The following EYS variants were observed in gnomAD, a reference collection of about 807,000 sequenced individuals.
The protein encoded by EYS is EGF-like photoreceptor maintenance factor.
EYS carries 250 observed loss-of-function variants against 282.1 expected under a neutral mutation model. That is an observed-to-expected ratio of 0.89 (90% confidence interval 0.80 to 0.98). The LOEUF (loss-of-function observed/expected upper bound fraction) is 0.98. Ranked by LOEUF, EYS falls within the 50% of genes least tolerant of loss-of-function variation. EYS has a pLI of 0.00. For missense variants in EYS, 4,016 were observed against 3,709.0 expected (o/e 1.08, Z -2.15); for synonymous variants, 1,355 against 1,282.9 (o/e 1.06, Z -1.20).
intron 26 of EYS, among the ~76,000 whole-genome samples, chr6:64,474,013 A>T (rs1470290316): frequency 6.6e-6 from 1 of 152,158 alleles, no homozygotes; most frequent in Admixed American, 6.6e-5. Flanking sequence ...TTAATTATAA[A>T]TTCTTATATC....
chr6:64,723,382 T>A (rs1771650579), intron 22 of EYS, among the ~76,000 whole-genome samples: 1 of 152,180 alleles, frequency 6.6e-6, no homozygotes. Flanking sequence ...TTCTCAGAGA[T>A]ATTTTATGTG....
intron 33 of EYS, among the ~76,000 whole-genome samples, chr6:64,031,478 C>A (rs1389476502): frequency 2.0e-5 from 3 of 152,338 alleles, no homozygotes; most frequent in South Asian, 4.1e-4. Flanking sequence ...GGCACGCAGT[C>A]CCATCGACCA....
intron 35 of EYS, among the ~76,000 whole-genome samples, chr6:63,868,370 G>T (rs879569528): frequency 7.9e-5 from 12 of 152,074 alleles, no homozygotes; most frequent in Non-Finnish European, 1.2e-4. Flanking sequence ...CTTGAAAAGG[G>T]TGCCCACTAC....
intron 26 of EYS, among the ~76,000 whole-genome samples, chr6:64,575,800 T>C (rs1765862410): frequency 6.6e-6 from 1 of 152,110 alleles, no homozygotes; most frequent in Non-Finnish European, 1.5e-5. Flanking sequence ...AAATGAGTTG[T>C]GACAGCAGTT....
intron 12 of EYS, among the ~76,000 whole-genome samples, chr6:65,128,869 C>T (rs762174702): frequency 2.1e-4 from 32 of 151,838 alleles, no homozygotes; most frequent in Non-Finnish European, 4.4e-4. Context: ...CAATCCTAAG[C>T]AAAAAGAACA....
intron 29 of EYS, among the ~76,000 whole-genome samples, chr6:64,348,997 C>A (rs1771518374): frequency 6.6e-6 from 1 of 151,336 alleles, no homozygotes; most frequent in South Asian, 2.1e-4. Context: ...CATCACATAA[C>A]CATAATGTTT....
At chr6:63,764,547 T>C (rs1769734965) in intron 40 of EYS, among the ~76,000 whole-genome samples, 1 of 152,064 alleles carries the variant, frequency 6.6e-6, no homozygotes, top group African/African-American at 2.4e-5. Context: ...GTTCATTTTA[T>C]ATCTACTTGA....
At chr6:64,697,243 G>T (rs943104794) in intron 22 of EYS, among the ~76,000 whole-genome samples, 4 of 151,948 alleles carry the variant, frequency 2.6e-5, no homozygotes, top group African/African-American at 9.7e-5. Context: ...AAAACTAAAA[G>T]AAGCTATACT....
At chr6:65,049,860 GGTAACTC>G (rs956855601) in intron 13 of EYS, among the ~76,000 whole-genome samples, 2 of 151,614 alleles carry the variant, frequency 1.3e-5, no homozygotes, top group Non-Finnish European at 3.0e-5. Context: ...GCACATAATA[GGTAACTC>G]AGCTGGGATG....
intron 5 of EYS, among the ~76,000 whole-genome samples, chr6:65,466,772 G>A (rs1041293262): frequency 4.6e-5 from 7 of 152,126 alleles, no homozygotes; most frequent in Admixed American, 3.3e-4. Context: ...TAATTGTGAG[G>A]AGGCCACCAT....
chr6:64,010,950 T>C (rs1768590789), intron 33 of EYS, among the ~76,000 whole-genome samples: 1 of 152,074 alleles, frequency 6.6e-6, no homozygotes. Flanking sequence ...CCTTTCTCTT[T>C]TTCTGAGTAT....
chr6:64,876,925 T>C (rs1766767528), intron 19 of EYS, among the ~76,000 whole-genome samples: 1 of 152,022 alleles, frequency 6.6e-6, no homozygotes, highest in African/African-American at 2.4e-5. Context: ...CTACGGAAGA[T>C]TTTGAACATG....
chr6:64,109,096 A>C (rs1582281220), intron 31 of EYS, among the ~76,000 whole-genome samples: 2 of 152,142 alleles, frequency 1.3e-5, no homozygotes, highest in Admixed American at 1.3e-4. Flanking sequence ...TATTGCATTC[A>C]GTAGAACATT....
At chr6:64,387,709 A>C (rs1772959603) in intron 29 of EYS, among the ~76,000 whole-genome samples, 1 of 152,158 alleles carries the variant, frequency 6.6e-6, no homozygotes, top group Admixed American at 6.5e-5. Flanking sequence ...TTATAGAAAA[A>C]GTCACAAATA....
intron 2 of EYS, among the ~76,000 whole-genome samples, chr6:65,600,817 T>C (rs1256619183): frequency 1.3e-5 from 2 of 151,850 alleles, no homozygotes; most frequent in African/African-American, 4.8e-5. Flanking sequence ...AAAACAAAAG[T>C]GGCAATTTTC....
chr6:64,607,376 T>C (rs564014235), intron 24 of EYS, among the ~76,000 whole-genome samples: 3 of 152,190 alleles, frequency 2.0e-5, no homozygotes, highest in African/African-American at 7.2e-5. Flanking sequence ...GGTTGACTTA[T>C]AAATAACAGA....
At chr6:64,508,821 T>C (rs1407701324) in intron 26 of EYS, among the ~76,000 whole-genome samples, 1 of 152,002 alleles carries the variant, frequency 6.6e-6, no homozygotes, top group Non-Finnish European at 1.5e-5. Context: ...CTCATCAGTT[T>C]TAGCATGATT....
At chr6:65,091,657 T>C (rs1774571828) in intron 12 of EYS, among the ~76,000 whole-genome samples, 1 of 152,148 alleles carries the variant, frequency 6.6e-6, no homozygotes, top group Non-Finnish European at 1.5e-5. Flanking sequence ...ATTTATCTGC[T>C]TCATAATTTT....
At chr6:64,699,335 TG>T (rs1196014169) in intron 22 of EYS, among the ~76,000 whole-genome samples, 4 of 151,996 alleles carry the variant, frequency 2.6e-5, no homozygotes, top group Non-Finnish European at 5.9e-5. Flanking sequence ...GGGTGGAGCA[TG>T]GGAGCAGACA....
Sources: allele counts gnomAD v4.1 joint callset (sites outside exome capture counted in the v4.1 genomes callset), GRCh38; gene constraint gnomAD v4.1.1; transcripts MANE v1.5; gene names NCBI Gene and HGNC (gene_info 2026-07-23, HGNC 2026-07-21).